ZZEF1: variants seen among roughly 807,000 people sequenced by gnomAD.
ZZEF1 encodes the protein zinc finger ZZ-type and EF-hand domain containing 1.
ZZEF1 carries 157 observed loss-of-function variants against 342.8 expected under a neutral mutation model. The ratio of observed to expected loss-of-function variants is 0.46; its 90% CI spans 0.40 to 0.52. The LOEUF is 0.52. ZZEF1 is among the 20% of genes least tolerant of loss of function. The pLI is 0.00. For missense variants in ZZEF1, 3,480 were observed against 3,725.6 expected, an observed-to-expected ratio of 0.93 and a Z score of 1.72; for synonymous variants, 1,505 against 1,429.1, an observed-to-expected ratio of 1.05 and a Z score of -1.20.
Position 4,070,776 on chromosome 17 carries a change from A to C in ZZEF1, c.3983T>G (p.Val1328Gly). 6.2e-7 allele frequency: 1 copy of C among 1,614,174 alleles called. No individual in the cohort carries two copies. The highest frequency in any genetic ancestry group is 8.5e-7 in the Non-Finnish European group (1 of 1,180,032). ...AGCTTGATCAATAGTGGAACCAGCA[A>C]CTATATCTGTCTTTGGGGCCTGTTT... is the stretch of plus-strand genomic sequence containing the variant. Reference protein sequence around the residue: ...CRKQAPKTDIVAGSTIDQAVN... With the variant: ...CRKQAPKTDIGAGSTIDQAVN... Residue 1328 changes from valine (V) to glycine (G), a missense_variant, in exon 26 of 55, where the codon GTT (valine) becomes GGT (glycine). Val to Gly is a moderately radical substitution (Grantham distance 109, BLOSUM62 -3). Coordinates refer to ENST00000381638, the MANE Select transcript of ZZEF1 (RefSeq NM_015113.4).
rs145275126 is a variant in ZZEF1, at chr17:4,095,919, C to A, written c.1825G>T (p.Asp609Tyr). The A allele has an allele frequency of 3.1e-6, 5 of 1,613,682 alleles. No individual in the cohort carries two copies. The highest frequency in any genetic ancestry group is 2.2e-5 in the East Asian group (1 of 44,894). Reference sequence around the variant, plus strand: ...AAGTGTTCTTCCGCACAAAATTTATCTGAAGATGAGTTATAGGCAAACACC... The same window carrying A: ...AAGTGTTCTTCCGCACAAAATTTATATGAAGATGAGTTATAGGCAAACACC... ...GLVFAYNSSS[D>Y]KFCAEEHFKR... is the part of the protein sequence containing the mutation. Residue 609 changes from aspartate (D) to tyrosine (Y), a missense_variant, in exon 11 of 55, where the codon GAT becomes TAT. By Grantham distance (160) the Asp-to-Tyr change is radical. Around this residue, in one of 5 missense-constraint regions of ZZEF1, gnomAD observed 1,528 missense variants for 1,624.1 expected, o/e 0.94. Coordinates refer to ENST00000381638, the MANE Select transcript of ZZEF1 (RefSeq NM_015113.4).
chr17:4,005,121 C>G lies in ZZEF1; in HGVS notation c.*1769G>C, dbSNP rs1453969032. On this transcript the variant is annotated 3_prime_UTR_variant, in exon 55 of 55. Transcript: ENST00000381638. ...GTTGGCTGTGAGTCTGAGCACGCAGCGGGGCCTCCCTCCCAAGCACTAAGA... is the reference window on the plus strand; with the variant it reads ...GTTGGCTGTGAGTCTGAGCACGCAGGGGGGCCTCCCTCCCAAGCACTAAGA... The G allele has an allele frequency of 6.6e-6, 1 of 152,340 alleles. No individual in the cohort carries two copies. Among genetic ancestry groups the G allele is most frequent in the Non-Finnish European group, 1.5e-5 (1 of 68,126 alleles). The allele number at this position is 152,340 out of a possible 1,614,324, so 9.4% of individuals were successfully genotyped here. A position where few individuals can be genotyped will look rare whatever the true frequency, so the allele number is the denominator to read the frequency against.
rs768679895 is a variant in ZZEF1, at chr17:4,067,257, A to G, written c.4076-15T>C. ...CCCACTGTTGACTGGGGAGAGAAGC[A>G]GAGATGGAGATTACATTCAGGTAAC... On this transcript the variant is annotated splice_polypyrimidine_tract_variant and intron_variant, in intron 26 of 54. Transcript: ENST00000381638. 6.2e-7 allele frequency: 1 copy of G among 1,606,040 alleles called. No homozygotes were observed. The highest frequency in any genetic ancestry group is 8.5e-7 in the Non-Finnish European group (1 of 1,175,294).
At chr17:4,039,641 CTTT>C (rs1166970366) in intron 39 of ZZEF1, among the ~76,000 whole-genome samples, 3 of 119,580 alleles carry the variant, frequency 2.5e-5, no homozygotes, top group Non-Finnish European at 3.4e-5. Context: ...AGAAAGAGAA[CTTT>C]TTTTTTTTTT....
intron 30 of ZZEF1, among the ~76,000 whole-genome samples, chr17:4,061,293 C>G (rs572817352): frequency 1.9e-3 from 286 of 152,326 alleles, no homozygotes; most frequent in Non-Finnish European, 2.7e-3. Flanking sequence ...GGGACAACAG[C>G]ATCCCCTGGT....
intron 39 of ZZEF1, among the ~76,000 whole-genome samples, chr17:4,036,336 A>G (rs766981694): frequency 3.3e-5 from 5 of 152,154 alleles, no homozygotes; most frequent in Non-Finnish European, 5.9e-5. Flanking sequence ...CAATTCCTAT[A>G]GTGTAGACTC....
rs2058897090 is a variant in ZZEF1, at chr17:4,143,016, G to A, written c.-121C>T. ...CGGAGGAGACGACGGCGGCCCCTGC[G>A]GCTTCCGGCTTCCTGGCCGTCAAGC... On this transcript the variant is annotated 5_prime_UTR_variant, in exon 1 of 55. Transcript: ENST00000381638. 3 of 1,269,340 alleles carry A rather than the reference G, an allele frequency of 2.4e-6. No individual in the cohort carries two copies. The highest frequency in any genetic ancestry group is 8.4e-5 in the Admixed American group (2 of 23,694). 78.6% of individuals were successfully genotyped at this position (1,269,340 alleles called of 1,614,324 possible). A position where few individuals can be genotyped will look rare whatever the true frequency, so the allele number is the denominator to read the frequency against.
In ZZEF1 at chr17:4,112,496, T is replaced by G. The variant is rs1643135459; in HGVS notation, c.1066+113A>C. 5 of 1,048,318 alleles carry G rather than the reference T, an allele frequency of 4.8e-6. No individual in the cohort carries two copies. In the South Asian group the frequency reaches 6.8e-5, roughly 14 times the overall value. 64.9% of individuals were successfully genotyped at this position (1,048,318 alleles called of 1,614,324 possible). A position where few individuals can be genotyped will look rare whatever the true frequency, so the allele number is the denominator to read the frequency against. ...TAATGAATGAAATAATGAACACTTT[T>G]GTGTACGTCCTAAGAAGCAAACCGA... On this transcript the variant is annotated intron_variant, in intron 5 of 54. Transcript: ENST00000381638.
chr17:4,049,108 T>G (rs935965311), intron 37 of ZZEF1, among the ~76,000 whole-genome samples: 6 of 152,164 alleles, frequency 3.9e-5, no homozygotes, highest in Non-Finnish European at 8.8e-5. Flanking sequence ...GAACTTACTA[T>G]CAACTCTTCT....
intron 34 of ZZEF1, among the ~76,000 whole-genome samples, chr17:4,052,747 C>T (rs1282572973): frequency 6.6e-6 from 1 of 151,992 alleles, no homozygotes; most frequent in Non-Finnish European, 1.5e-5. Flanking sequence ...GGCACCTGTA[C>T]TCCCAGCTAC....
In ZZEF1 at chr17:4,059,270, C is replaced by T; in HGVS notation, c.4904G>A (p.Gly1635Asp). Residue 1635 changes from glycine to aspartate, a missense_variant, in exon 31 of 55, where the codon GGC becomes GAC. Coordinates refer to ENST00000381638, the MANE Select transcript of ZZEF1 (RefSeq NM_015113.4). ...TTCTTTGTGTAGATCAGCACCACAG[C>T]CTTCCAGGTGTCCAAAATAACTAGA... The part of the protein sequence containing the change: ...DFTNYFGHLE[G>D]CGADLHKEIR... The T allele has an allele frequency of 6.3e-7, 1 of 1,595,714 alleles. No individual in the cohort carries two copies. The highest frequency in any genetic ancestry group is 8.5e-7 in the Non-Finnish European group (1 of 1,174,698).
intron 37 of ZZEF1, among the ~76,000 whole-genome samples, chr17:4,048,313 A>T (rs891542843): frequency 1.3e-5 from 2 of 152,198 alleles, no homozygotes; most frequent in Admixed American, 1.3e-4. Context: ...AATAATAAAA[A>T]TGTTGATGTT....
At chr17:4,061,432 C>G (rs919607732) in intron 30 of ZZEF1, among the ~76,000 whole-genome samples, 2 of 152,064 alleles carry the variant, frequency 1.3e-5, no homozygotes, top group African/African-American at 4.8e-5. Flanking sequence ...TCTCTGCACC[C>G]TTTCTAGGAG....
At position 4,008,746 on chromosome 17, in the gene ZZEF1, A is replaced by G; in HGVS notation, c.8805+137T>C. On this transcript the variant is annotated intron_variant, in intron 54 of 54. Coordinates refer to ENST00000381638, the MANE Select transcript of ZZEF1 (RefSeq NM_015113.4). The surrounding 1 kb of genome is among the most constrained non-coding windows in gnomAD (Gnocchi z 4.2). ...CTGAGCACCAGGAGGAAGTGACTGA[A>G]CTGGAACAAGCTCTGTGTAAGCTCC... is the stretch of plus-strand genomic sequence containing the variant. 7.0e-7 allele frequency: 1 copy of G among 1,432,704 alleles called. No homozygotes were observed. Among genetic ancestry groups the G allele is most frequent in the East Asian group, 2.6e-5 (1 of 38,652 alleles). 88.7% of individuals were successfully genotyped at this position (1,432,704 alleles called of 1,614,324 possible).
chr17:4,079,224 C>T (rs934317957), intron 18 of ZZEF1, among the ~76,000 whole-genome samples: 2 of 152,238 alleles, frequency 1.3e-5, no homozygotes, highest in Non-Finnish European at 2.9e-5. Context: ...CACCTACCCA[C>T]TCCTCACGTG....
At chr17:4,134,811 G>C (rs7216304) in intron 1 of ZZEF1, among the ~76,000 whole-genome samples, 23,251 of 152,036 alleles carry the variant, frequency 0.15, 1,967 homozygotes, top group African/African-American at 0.22. Flanking sequence ...GACAGGGAGG[G>C]GCGTTAGGGG....
intron 4 of ZZEF1, among the ~76,000 whole-genome samples, chr17:4,113,085 C>T (rs1334857832): frequency 6.6e-6 from 1 of 152,176 alleles, no homozygotes; most frequent in Non-Finnish European, 1.5e-5. Context: ...AACAAAATCC[C>T]TTTACCTGGC....
chr17:4,087,820 A>T, intron 13 of ZZEF1, among the ~76,000 whole-genome samples: 1 of 125,938 alleles, frequency 7.9e-6, no homozygotes, highest in South Asian at 2.7e-4. Flanking sequence ...ACACACACAC[A>T]CACACATCCA....
At chr17:4,115,819 TA>T (rs1420434490) in intron 3 of ZZEF1, among the ~76,000 whole-genome samples, 1 of 152,232 alleles carries the variant, frequency 6.6e-6, no homozygotes, top group African/African-American at 2.4e-5. Flanking sequence ...ACTCTGCTTA[TA>T]TTTTTTTTTG....
Sources: gnomAD v4.1 joint callset for allele counts (sites outside exome capture counted in the v4.1 genomes callset) on GRCh38, gnomAD v4.1.1 for gene constraint, gnomAD v4.1.1 regional missense constraint, Gnocchi (gnomAD v3.1) non-coding constraint, MANE v1.5 for transcripts, NCBI Gene and HGNC (gene_info 2026-07-23, HGNC 2026-07-21) for gene names.